Variants in FRMD4A observed in about 807,000 individuals in gnomAD.
FRMD4A encodes the protein FERM domain containing 4A.
FRMD4A carries 29 observed loss-of-function variants against 129.1 expected under a neutral mutation model. That is an observed-to-expected ratio of 0.22 (90% CI 0.17 to 0.31). FRMD4A has a LOEUF of 0.31. Ranked by LOEUF, FRMD4A falls within the 10% of genes least tolerant of loss-of-function variation. The pLI, the probability that FRMD4A is intolerant of heterozygous loss-of-function variation, is 1.00. For missense variants in FRMD4A, 1,272 were observed against 1,375.8 expected (o/e 0.92, Z 1.19); for synonymous variants, 634 against 571.6 (o/e 1.11, Z -1.56).
At chr10:14,327,884 T>C (rs1291004712) in intron 2 of FRMD4A, among the ~76,000 whole-genome samples, 1 of 152,192 alleles carries the variant, frequency 6.6e-6, no homozygotes, top group East Asian at 1.9e-4. Flanking sequence ...AGCTCATAAA[T>C]AATAATGTTT....
chr10:13,951,715 C>G (rs529280521), intron 2 of FRMD4A, among the ~76,000 whole-genome samples: 1 of 151,782 alleles, frequency 6.6e-6, no homozygotes, highest in South Asian at 2.1e-4. Flanking sequence ...CATGGTGAAA[C>G]CCCGTCTCTA....
chr10:14,266,375 A>G (rs78948516), intron 2 of FRMD4A, among the ~76,000 whole-genome samples: 9,765 of 152,216 alleles, frequency 0.064, 394 homozygotes, highest in Non-Finnish European at 0.089. Context: ...AGTTAGATAA[A>G]GTTTGGGGAG....
chr10:13,799,891 T>C (rs1004009293), intron 4 of FRMD4A, among the ~76,000 whole-genome samples: 1 of 152,040 alleles, frequency 6.6e-6, no homozygotes, highest in Non-Finnish European at 1.5e-5. Flanking sequence ...TTAAAAAATA[T>C]GACCTAGGCT....
chr10:14,179,722 T>C (rs1841849342), intron 2 of FRMD4A, among the ~76,000 whole-genome samples: 1 of 152,234 alleles, frequency 6.6e-6, no homozygotes, highest in Admixed American at 6.5e-5. Context: ...TGTTTTTACA[T>C]GTGTTTGCCT....
At chr10:13,662,168 A>C (rs1259270000) in intron 19 of FRMD4A, among the ~76,000 whole-genome samples, 1 of 152,192 alleles carries the variant, frequency 6.6e-6, no homozygotes, top group African/African-American at 2.4e-5. Flanking sequence ...TGGGATACTC[A>C]GAGGCCAACC....
intron 8 of FRMD4A, among the ~76,000 whole-genome samples, chr10:13,759,791 C>T (rs888384455): frequency 6.6e-6 from 1 of 152,074 alleles, no homozygotes; most frequent in Non-Finnish European, 1.5e-5. Flanking sequence ...GGTCTCCAGC[C>T]AAAGCTACTT....
At chr10:13,760,857 G>A (rs1037346958) in intron 8 of FRMD4A, among the ~76,000 whole-genome samples, 1 of 135,638 alleles carries the variant, frequency 7.4e-6, no homozygotes, top group Non-Finnish European at 1.5e-5. Flanking sequence ...TCTCCAGAAT[G>A]GGCTACCCTG....
At chr10:14,038,262 G>A (rs1214442203) in intron 2 of FRMD4A, among the ~76,000 whole-genome samples, 1 of 152,154 alleles carries the variant, frequency 6.6e-6, no homozygotes, top group African/African-American at 2.4e-5. Flanking sequence ...GGCGGAGCTT[G>A]CAGTGAGCCA....
intron 22 of FRMD4A, chr10:13,654,857 A>G: frequency 3.0e-6 from 1 of 337,058 alleles, no homozygotes; most frequent in South Asian, 5.8e-5. Context: ...AAAGAATCTG[A>G]TGTCCCCATA....
intron 12 of FRMD4A, among the ~76,000 whole-genome samples, chr10:13,724,260 C>G (rs1029730894): frequency 6.6e-6 from 1 of 151,980 alleles, no homozygotes; most frequent in African/African-American, 2.4e-5. Context: ...TGGTGGCGGG[C>G]GCCTGTAGTC....
intron 2 of FRMD4A, among the ~76,000 whole-genome samples, chr10:13,885,112 C>T (rs1379368312): frequency 6.6e-6 from 1 of 152,160 alleles, no homozygotes; most frequent in African/African-American, 2.4e-5. Flanking sequence ...TTGCCTAATG[C>T]AGTAGCTCAT....
At chr10:13,783,501 C>T (rs1166886530) in intron 5 of FRMD4A, among the ~76,000 whole-genome samples, 3 of 151,586 alleles carry the variant, frequency 2.0e-5, no homozygotes, top group Admixed American at 1.3e-4. Flanking sequence ...CTTCCCGCCT[C>T]AGCTTCCTGA....
chr10:13,894,510 A>C (rs984606653), intron 2 of FRMD4A, among the ~76,000 whole-genome samples: 1 of 152,188 alleles, frequency 6.6e-6, no homozygotes. Context: ...CGGATCACCC[A>C]GTAGCCCAGG....
intron 2 of FRMD4A, among the ~76,000 whole-genome samples, chr10:14,329,264 C>A (rs575312969): frequency 6.6e-6 from 1 of 152,184 alleles, no homozygotes; most frequent in South Asian, 2.1e-4. Context: ...CCGACAACAG[C>A]CAGTATTACC....
intron 6 of FRMD4A, among the ~76,000 whole-genome samples, chr10:13,769,747 T>C (rs947368503): frequency 6.6e-6 from 1 of 152,234 alleles, no homozygotes; most frequent in African/African-American, 2.4e-5. Context: ...AAGGCTTGAA[T>C]AGAACAAAAG....
At chr10:14,305,711 G>C (rs1008827638) in intron 2 of FRMD4A, among the ~76,000 whole-genome samples, 1 of 151,950 alleles carries the variant, frequency 6.6e-6, no homozygotes, top group Non-Finnish European at 1.5e-5. Flanking sequence ...CAATAGCAAA[G>C]ACATGAAATC....
At chr10:14,231,066 G>C (rs1169442325) in intron 2 of FRMD4A, among the ~76,000 whole-genome samples, 1 of 152,070 alleles carries the variant, frequency 6.6e-6, no homozygotes, top group African/African-American at 2.4e-5. Context: ...CTATTGTGAA[G>C]GGTGCTTCAA....
intron 3 of FRMD4A, among the ~76,000 whole-genome samples, chr10:13,814,690 A>AG (rs997800831): frequency 6.6e-6 from 1 of 151,576 alleles, no homozygotes; most frequent in Non-Finnish European, 1.5e-5. Flanking sequence ...AAAGAGAGAG[A>AG]GAAAAAAAAG....
chr10:13,935,739 T>G (rs964336318), intron 2 of FRMD4A, among the ~76,000 whole-genome samples: 1 of 152,234 alleles, frequency 6.6e-6, no homozygotes, highest in Admixed American at 6.5e-5. Flanking sequence ...ACTCTCATGT[T>G]GGACTCTCCT....
Sources: gnomAD v4.1 joint callset for allele counts (sites outside exome capture counted in the v4.1 genomes callset) on GRCh38, gnomAD v4.1.1 for gene constraint, MANE v1.5 for transcripts, NCBI Gene and HGNC (gene_info 2026-07-23, HGNC 2026-07-21) for gene names.